The following ADAMTS19 variants were observed in gnomAD, a reference collection of about 807,000 sequenced individuals.
ADAMTS19 encodes the protein ADAM metallopeptidase with thrombospondin type 1 motif 19, also known as A disintegrin and metalloproteinase with thrombospondin motifs 19.
A neutral mutation model predicts 153.3 loss-of-function variants in ADAMTS19; 93 were observed. The ratio of observed to expected loss-of-function variants is 0.61; its 90% CI spans 0.51 to 0.72. The LOEUF is 0.72. ADAMTS19 is among the 30% of genes least tolerant of loss of function. The probability of loss-of-function intolerance (pLI) is 0.00; values close to 1 mark genes in which losing one functional copy is unlikely to be tolerated. For synonymous variants in ADAMTS19, 600 were observed against 556.6 expected (o/e 1.08, Z -1.10); for missense variants, 1,482 against 1,552.1 (o/e 0.95, Z 0.76).
chr5:129,706,645 C>CA (rs1302261183), intron 21 of ADAMTS19, among the ~76,000 whole-genome samples: 9 of 151,412 alleles, frequency 5.9e-5, no homozygotes, highest in Non-Finnish European at 8.8e-5. Context: ...GATGTAATTG[C>CA]AAAAAAACCC....
At chr5:129,676,896 AG>A (rs1420182776) in intron 16 of ADAMTS19, among the ~76,000 whole-genome samples, 2 of 152,184 alleles carry the variant, frequency 1.3e-5, no homozygotes, top group African/African-American at 4.8e-5. Context: ...AATGTACTCT[AG>A]TGATCCCCAG....
rs570490819 is a variant in ADAMTS19 at position 129,683,393 on chromosome 5, T to G, written c.2665-727T>G. Among the ~76,000 whole-genome samples, 42 of 151,882 alleles carry G rather than the reference T, an allele frequency of 2.8e-4. No individual in the cohort carries two copies. The South Asian group carries it at 4.6e-3, about 16-fold the overall frequency. On this transcript the variant is annotated intron_variant, in intron 17 of 22. Coordinates refer to ENST00000274487, the MANE Select transcript of ADAMTS19 (RefSeq NM_133638.6). Reference sequence around the variant, plus strand: ...ATTCAGTCGTTTTCATGTATTTTTATGGTTTATTGAACTATTTATATATAT... The same window carrying G: ...ATTCAGTCGTTTTCATGTATTTTTAGGGTTTATTGAACTATTTATATATAT...
At chr5:129,700,050 T>G (rs1382476481) in intron 19 of ADAMTS19, among the ~76,000 whole-genome samples, 1 of 152,214 alleles carries the variant, frequency 6.6e-6, no homozygotes, top group Non-Finnish European at 1.5e-5. Context: ...AATTTGGGTC[T>G]CCCTAGAAGA....
intron 2 of ADAMTS19, among the ~76,000 whole-genome samples, chr5:129,480,197 T>G (rs577969056): frequency 6.6e-6 from 1 of 152,296 alleles, no homozygotes; most frequent in Non-Finnish European, 1.5e-5. Context: ...ATGGAGGAAT[T>G]CTAGTCCTTG....
At chr5:129,467,633 G>A (rs1299454208) in intron 2 of ADAMTS19, among the ~76,000 whole-genome samples, 2 of 152,204 alleles carry the variant, frequency 1.3e-5, no homozygotes, top group Non-Finnish European at 2.9e-5. Context: ...CTGGGTGCCA[G>A]AGGATCAGGT....
chr5:129,661,478 T>C (rs983821505), intron 15 of ADAMTS19, among the ~76,000 whole-genome samples: 2 of 152,196 alleles, frequency 1.3e-5, no homozygotes, highest in Non-Finnish European at 2.9e-5. Context: ...CTAGAATTTT[T>C]TGAAGGCCAT....
At chr5:129,713,595 T>A (rs1341487387) in intron 21 of ADAMTS19, among the ~76,000 whole-genome samples, 1 of 151,976 alleles carries the variant, frequency 6.6e-6, no homozygotes, top group African/African-American at 2.4e-5. Flanking sequence ...ACGCTGACTC[T>A]CCTAAAAATA....
intron 3 of ADAMTS19, among the ~76,000 whole-genome samples, chr5:129,516,231 T>C (rs1751600424): frequency 6.6e-6 from 1 of 151,678 alleles, no homozygotes; most frequent in Non-Finnish European, 1.5e-5. Context: ...ATCAGAAATA[T>C]TAGCCTGTAG....
intron 2 of ADAMTS19, among the ~76,000 whole-genome samples, chr5:129,495,620 C>T (rs1015800588): frequency 3.3e-5 from 5 of 152,074 alleles, no homozygotes; most frequent in Non-Finnish European, 7.4e-5. Flanking sequence ...GATTACTCTA[C>T]TGGTGACTGA....
chr5:129,471,663 C>G (rs1437517438), intron 2 of ADAMTS19, among the ~76,000 whole-genome samples: 1 of 152,024 alleles, frequency 6.6e-6, no homozygotes, highest in African/African-American at 2.4e-5. Context: ...GATATTAAAC[C>G]TAGTACCCAT....
chr5:129,547,521 T>G (rs1349561767), intron 6 of ADAMTS19, among the ~76,000 whole-genome samples: 1 of 150,430 alleles, frequency 6.6e-6, no homozygotes, highest in African/African-American at 2.5e-5. Flanking sequence ...TAATGTTACT[T>G]TCAAAGTAGC....
At chr5:129,532,113 T>C (rs974626283) in intron 6 of ADAMTS19, among the ~76,000 whole-genome samples, 20 of 151,984 alleles carry the variant, frequency 1.3e-4, no homozygotes, top group African/African-American at 4.6e-4. Flanking sequence ...ATTTCTTAGA[T>C]AGGGTAAAAA....
At chr5:129,714,052 T>C (rs554809656) in intron 21 of ADAMTS19, among the ~76,000 whole-genome samples, 2 of 152,336 alleles carry the variant, frequency 1.3e-5, no homozygotes, top group South Asian at 4.1e-4. Flanking sequence ...ATGATGTGTG[T>C]AGTCCAAGGA....
intron 10 of ADAMTS19, among the ~76,000 whole-genome samples, chr5:129,625,750 G>GAA (rs1752007336): frequency 6.6e-6 from 1 of 152,050 alleles, no homozygotes; most frequent in African/African-American, 2.4e-5. Context: ...TTATACCTTT[G>GAA]TCAGATGGGT....
Position 129,596,636 on chromosome 5 carries a change from T to G in ADAMTS19, c.1450T>G (p.Phe484Val), listed in dbSNP as rs755728410. The stretch of plus-strand genomic sequence containing the variant: ...TGAAGACAATGGCTTGAATCTTGCT[T>G]TTACAATTGCTCATGAAATGGGTCA... ...IAEDNGLNLA[F>V]TIAHEMGHNM... The change falls in exon 8 of 23, where the codon TTT becomes GTT. Residue 484 changes from phenylalanine (F) to valine (V), a missense_variant. This residue lies in a region of ADAMTS19 where 866 missense variants were observed against 827.7 expected (regional missense o/e 1.05). Transcript: ENST00000274487. 2.5e-6 allele frequency: 4 copies of G among 1,607,476 alleles called. No individual in the cohort carries two copies. In the East Asian group the frequency reaches 9.0e-5, roughly 36 times the overall value.
At chr5:129,702,941 A>AAAAAAAAAATATATATATAT in intron 20 of ADAMTS19, among the ~76,000 whole-genome samples, 4 of 29,302 alleles carry the variant, frequency 1.4e-4, no homozygotes, top group African/African-American at 3.4e-4. Context: ...AAAAAAAAAA[A>AAAAAAAAAATATATATATAT]ATATATATAT....
intron 7 of ADAMTS19, among the ~76,000 whole-genome samples, chr5:129,564,017 T>C (rs941918994): frequency 8.5e-5 from 13 of 152,274 alleles, no homozygotes; most frequent in African/African-American, 2.9e-4. Context: ...CCTCCTGGGT[T>C]CAAGCGATTC....
intron 8 of ADAMTS19, among the ~76,000 whole-genome samples, chr5:129,598,886 G>GT (rs1750511404): frequency 6.6e-6 from 1 of 152,250 alleles, no homozygotes; most frequent in East Asian, 1.9e-4. Context: ...TATTTGAGAA[G>GT]TTTGTCCTCT....
At chr5:129,716,187 ATTTT>A (rs923297024) in intron 21 of ADAMTS19, among the ~76,000 whole-genome samples, 1 of 151,508 alleles carries the variant, frequency 6.6e-6, no homozygotes, top group Non-Finnish European at 1.5e-5. Context: ...ATTTTTATTT[ATTTT>A]TTTTGTATTT....
Sources: allele counts gnomAD v4.1 joint callset (sites outside exome capture counted in the v4.1 genomes callset), GRCh38; gene constraint gnomAD v4.1.1; regional missense constraint gnomAD v4.1.1; transcripts MANE v1.5; gene names NCBI Gene and HGNC (gene_info 2026-07-23, HGNC 2026-07-21).